The following FHOD3 variants were observed in gnomAD, a reference collection of about 807,000 sequenced individuals.
The protein encoded by FHOD3 is formin homology 2 domain containing 3.
Under a neutral mutation model 173.0 loss-of-function variants are expected in FHOD3, and 90 were observed. The observed-to-expected ratio is 0.52, with a 90% CI of 0.44 to 0.62. The LOEUF (loss-of-function observed/expected upper bound fraction) is 0.62. Among genes scored for constraint, FHOD3 ranks in the 20% least tolerant of loss-of-function variants. The pLI is 0.00. For missense variants in FHOD3, 1,945 were observed against 2,034.7 expected, an observed-to-expected ratio of 0.96 and a Z score of 0.85; for synonymous variants, 828 against 823.0, an observed-to-expected ratio of 1.01 and a Z score of -0.10.
chr18:36,327,275 G>GT (rs1342542649), intron 1 of FHOD3, among the ~76,000 whole-genome samples: 3 of 152,196 alleles, frequency 2.0e-5, no homozygotes, highest in Non-Finnish European at 4.4e-5. Context: ...CCCCATTTGA[G>GT]TTTTTGTGAA....
rs758007480 is a variant in FHOD3, at chr18:36,514,913, G to C, written c.511+2370G>C. ...GTGAGTGCCTTCCTAGACTCCACAG[G>C]GGAGGCAACAGAGAGAAAGGCTTGG... On this transcript the variant is annotated intron_variant, in intron 5 of 28. Transcript: ENST00000590592. Among the ~76,000 whole-genome samples, 6 of 152,300 alleles carry C rather than the reference G, an allele frequency of 3.9e-5. No individual in the cohort carries two copies. In the Middle Eastern group the frequency reaches 0.01, roughly 259 times the overall value.
intron 11 of FHOD3, among the ~76,000 whole-genome samples, chr18:36,650,765 C>G (rs898204511): frequency 1.3e-5 from 2 of 152,176 alleles, no homozygotes; most frequent in Non-Finnish European, 2.9e-5. Context: ...CACCTTCAGA[C>G]CAGATGGAAG....
chr18:36,538,942 T>C (rs137859259), intron 5 of FHOD3, among the ~76,000 whole-genome samples: 28 of 152,340 alleles, frequency 1.8e-4, no homozygotes, highest in African/African-American at 5.8e-4. Flanking sequence ...GGTCTTGATA[T>C]AGTACTGTAG....
chr18:36,445,772 T>C (rs1366844161), intron 3 of FHOD3, among the ~76,000 whole-genome samples: 1 of 152,208 alleles, frequency 6.6e-6, no homozygotes, highest in African/African-American at 2.4e-5. Context: ...GGTTGCCCCA[T>C]TGGTGGGTTC....
At chr18:36,638,766 G>A (rs1282115808) in intron 10 of FHOD3, among the ~76,000 whole-genome samples, 2 of 152,156 alleles carry the variant, frequency 1.3e-5, no homozygotes, top group South Asian at 2.1e-4. Context: ...CAGTGGTGTG[G>A]AGAGGCAGGA....
intron 10 of FHOD3, among the ~76,000 whole-genome samples, chr18:36,642,502 C>A (rs1407707121): frequency 1.4e-5 from 2 of 147,768 alleles, no homozygotes; most frequent in East Asian, 4.0e-4. Flanking sequence ...GCCTGTAGTT[C>A]CAGCTAGGAG....
chr18:36,715,073 C>T (rs1314202195), intron 18 of FHOD3, among the ~76,000 whole-genome samples: 2 of 152,172 alleles, frequency 1.3e-5, no homozygotes, highest in Non-Finnish European at 2.9e-5. Context: ...CACTGAGGCC[C>T]TGGAAAGCTG....
chr18:36,631,128 C>T (rs2034482954), intron 10 of FHOD3, among the ~76,000 whole-genome samples: 1 of 152,164 alleles, frequency 6.6e-6, no homozygotes, highest in African/African-American at 2.4e-5. Context: ...AGGGAGAAGT[C>T]TGGCAGGGGT....
chr18:36,711,017 A>G (rs2040143247), intron 18 of FHOD3: 1 of 152,254 alleles, frequency 6.6e-6, no homozygotes, highest in African/African-American at 2.4e-5. Flanking sequence ...AAAGAAGGAC[A>G]ATTTTCCAAA....
intron 9 of FHOD3, among the ~76,000 whole-genome samples, chr18:36,619,024 T>A (rs2033477914): frequency 6.6e-6 from 1 of 152,228 alleles, no homozygotes; most frequent in African/African-American, 2.4e-5. Context: ...TGGGGGCTCA[T>A]CGCTATCTTG....
In FHOD3 at chr18:36,627,755, C is replaced by T. The variant is rs576312072; in HGVS notation, c.1196+2006C>T. On this transcript the variant is annotated intron_variant, in intron 10 of 28. Transcript: ENST00000590592. ...GCATGATTTTGATGAGGTGGGAGTG[C>T]GATAGTGGGAATGCAGTGGTGAAAT... Among the ~76,000 whole-genome samples the T allele has an allele frequency of 5.9e-5, 9 of 152,150 alleles. No homozygotes were observed. The East Asian group carries it at 1.2e-3, about 20-fold the overall frequency.
chr18:36,475,220 C>T (rs1376718350), intron 3 of FHOD3, among the ~76,000 whole-genome samples: 2 of 152,140 alleles, frequency 1.3e-5, no homozygotes, highest in Admixed American at 1.3e-4. Flanking sequence ...CCAGATGTGG[C>T]TTTTCCCCTT....
At position 36,316,907 on chromosome 18, in the gene FHOD3, T is replaced by C. The variant is rs1459753963; in HGVS notation, c.165+18907T>C. ...CCCCCTGACAGGCCCCAGTGTGTGA[T>C]GTTCCCCTCCCTGTGTCCATGTGTA... On this transcript the variant is annotated intron_variant, in intron 1 of 28. Coordinates refer to ENST00000590592, the MANE Select transcript of FHOD3 (RefSeq NM_001281740.3). Among the ~76,000 whole-genome samples the C allele has an allele frequency of 2.0e-5, 3 of 151,466 alleles. No individual in the cohort carries two copies. In the East Asian group the frequency reaches 5.8e-4, roughly 29 times the overall value.
chr18:36,444,486 G>A (rs902352691), intron 3 of FHOD3, among the ~76,000 whole-genome samples: 3 of 152,152 alleles, frequency 2.0e-5, no homozygotes, highest in African/African-American at 4.8e-5. Context: ...GCAGACCAGA[G>A]AAGTGTGAAT....
rs1444566858 is a variant in FHOD3, at chr18:36,772,745, T to C, written c.4786+3319T>C. Among the ~76,000 whole-genome samples the C allele has an allele frequency of 3.3e-5, 5 of 152,224 alleles. No individual in the cohort carries two copies. The South Asian group carries it at 8.3e-4, about 25-fold the overall frequency. ...TCAGGTCGGCTGCTCTCCCAGCTGG[T>C]GCCAATCAGGGGCACATTGAGTAAA... On this transcript the variant is annotated intron_variant, in intron 28 of 28. Transcript: ENST00000590592.
intron 3 of FHOD3, among the ~76,000 whole-genome samples, chr18:36,474,755 A>G (rs1157179157): frequency 6.6e-6 from 1 of 152,064 alleles, no homozygotes; most frequent in East Asian, 1.9e-4. Context: ...ATGCAGCCTG[A>G]GCTCCTGGGG....
intron 18 of FHOD3, chr18:36,710,386 C>G (rs1440724914): frequency 6.6e-6 from 1 of 152,218 alleles, no homozygotes; most frequent in African/African-American, 2.4e-5. Context: ...GGCAATATGA[C>G]ACCTCTACAA....
At chr18:36,750,495 T>A (rs546885123) in intron 24 of FHOD3, among the ~76,000 whole-genome samples, 3 of 152,352 alleles carry the variant, frequency 2.0e-5, no homozygotes, top group Admixed American at 6.5e-5. Flanking sequence ...TTTAATTAGA[T>A]CCCATTTGTC....
chr18:36,668,351 A>C (rs1324639263), intron 14 of FHOD3, among the ~76,000 whole-genome samples: 1 of 152,020 alleles, frequency 6.6e-6, no homozygotes, highest in Admixed American at 6.6e-5. Flanking sequence ...TAGTATCTGT[A>C]AAATCTGCAG....
Sources: gnomAD v4.1 joint callset for allele counts (sites outside exome capture counted in the v4.1 genomes callset) on GRCh38, gnomAD v4.1.1 for gene constraint, MANE v1.5 for transcripts, NCBI Gene and HGNC (gene_info 2026-07-23, HGNC 2026-07-21) for gene names.